Variants in LDLRAD3 observed in about 807,000 individuals in gnomAD.
The protein encoded by LDLRAD3 is low density lipoprotein receptor class A domain containing 3.
Under a neutral mutation model 29.4 loss-of-function variants are expected in LDLRAD3, and 20 were observed. The observed-to-expected ratio is 0.68, with a 90% CI of 0.48 to 0.99. The LOEUF (loss-of-function observed/expected upper bound fraction) is 0.99, where lower values mean the gene tolerates loss of function less well. Ranked by LOEUF, LDLRAD3 falls within the 50% of genes least tolerant of loss-of-function variation. The pLI, the probability that LDLRAD3 is intolerant of heterozygous loss-of-function variation, is 0.00. For missense variants in LDLRAD3, 420 were observed against 454.3 expected, an observed-to-expected ratio of 0.92 and a Z score of 0.69; for synonymous variants, 157 against 192.7, an observed-to-expected ratio of 0.81 and a Z score of 1.53.
intron 1 of LDLRAD3, among the ~76,000 whole-genome samples, chr11:36,003,478 C>G (rs551980393): frequency 4.2e-4 from 64 of 152,252 alleles, no homozygotes; most frequent in African/African-American, 1.5e-3. Flanking sequence ...TTGATAGGGT[C>G]TTACAGCAAA....
intron 1 of LDLRAD3, among the ~76,000 whole-genome samples, chr11:35,964,741 A>G (rs1419980183): frequency 6.6e-6 from 1 of 152,134 alleles, no homozygotes; most frequent in Non-Finnish European, 1.5e-5. Context: ...TAATCCTAGC[A>G]CTTGGGGAGG....
intron 2 of LDLRAD3, among the ~76,000 whole-genome samples, chr11:36,065,773 T>G (rs757444818): frequency 6.6e-6 from 1 of 152,204 alleles, no homozygotes; most frequent in Non-Finnish European, 1.5e-5. Flanking sequence ...CTTCACATTG[T>G]AGGCCTTTAT....
intron 1 of LDLRAD3, among the ~76,000 whole-genome samples, chr11:35,979,081 C>G (rs1256789296): frequency 6.6e-6 from 1 of 152,146 alleles, no homozygotes; most frequent in Admixed American, 6.5e-5. Flanking sequence ...TCTGAGGTGT[C>G]TGCCTAGAGT....
intron 4 of LDLRAD3, among the ~76,000 whole-genome samples, chr11:36,166,551 G>T (rs1854518904): frequency 6.6e-6 from 1 of 152,100 alleles, no homozygotes. Flanking sequence ...TCCACTATTG[G>T]TAAGGTGTAT....
At chr11:36,154,054 T>C (rs1854311897) in intron 4 of LDLRAD3, among the ~76,000 whole-genome samples, 1 of 152,146 alleles carries the variant, frequency 6.6e-6, no homozygotes, top group African/African-American at 2.4e-5. Context: ...GTTCCAGTTG[T>C]GTCTCAACCA....
intron 1 of LDLRAD3, among the ~76,000 whole-genome samples, chr11:36,025,484 G>T (rs1425136648): frequency 1.3e-5 from 2 of 151,586 alleles, no homozygotes; most frequent in African/African-American, 4.9e-5. Context: ...CGCCTCCAGG[G>T]TTCACGCCAT....
chr11:36,048,164 A>G (rs1389869230), intron 2 of LDLRAD3, among the ~76,000 whole-genome samples: 1 of 152,100 alleles, frequency 6.6e-6, no homozygotes, highest in Non-Finnish European at 1.5e-5. Context: ...TTCTCCATAG[A>G]TTCTCCTTTC....
chr11:36,178,952 G>T (rs895401619), intron 4 of LDLRAD3, among the ~76,000 whole-genome samples: 1 of 152,210 alleles, frequency 6.6e-6, no homozygotes, highest in Non-Finnish European at 1.5e-5. Flanking sequence ...AGCATGCCTT[G>T]TTACCCAGAG....
chr11:35,944,078 A>T lies in LDLRAD3; in HGVS notation c.-21A>T. ...CGCGGGGGCAGCAACGACGCCGGGC[A>T]GCGGGAGCGGCGGCCGCGCCATGTG... On this transcript the variant is annotated 5_prime_UTR_variant, in exon 1 of 6. Coordinates refer to ENST00000315571, the MANE Select transcript of LDLRAD3 (RefSeq NM_174902.4). The surrounding 1 kb of genome is among the most constrained non-coding windows in gnomAD (Gnocchi z 4.9). The T allele has an allele frequency of 3.7e-6, 4 of 1,075,716 alleles. No individual in the cohort carries two copies. The highest frequency in any genetic ancestry group is 2.3e-6 in the Non-Finnish European group (2 of 888,846). 66.6% of individuals were successfully genotyped at this position (1,075,716 alleles called of 1,614,324 possible). A position where few individuals can be genotyped will look rare whatever the true frequency, so the allele number is the denominator to read the frequency against.
chr11:36,059,818 T>C (rs534314340), intron 2 of LDLRAD3, among the ~76,000 whole-genome samples: 3 of 152,202 alleles, frequency 2.0e-5, no homozygotes, highest in Admixed American at 2.0e-4. Flanking sequence ...TAGAGCACCA[T>C]TGAGAGTGAG....
intron 2 of LDLRAD3, among the ~76,000 whole-genome samples, chr11:36,054,664 T>C (rs1298750271): frequency 4.6e-5 from 7 of 152,140 alleles, no homozygotes; most frequent in Non-Finnish European, 1.0e-4. Context: ...AGAATGAAGA[T>C]GGATGGATGC....
At position 36,227,273 on chromosome 11, in the gene LDLRAD3, G is replaced by A. The variant is rs1283117265; in HGVS notation, c.643G>A (p.Val215Met). ...TLPVHRLQHPVLLSRLVVLDH... is the reference protein window; with the variant it reads ...TLPVHRLQHPMLLSRLVVLDH... Reference sequence around the variant, plus strand: ...GCCCGTGCACCGGCTGCAGCACCCTGTGCTGCTGTCCCGCCTGGTGGTCCT... The same window carrying A: ...GCCCGTGCACCGGCTGCAGCACCCTATGCTGCTGTCCCGCCTGGTGGTCCT... Residue 215 changes from valine (V) to methionine (M), a missense_variant, in exon 5 of 6, where the codon GTG (valine) becomes ATG (methionine). This residue lies in a region of LDLRAD3 where 56 missense variants were observed against 92.2 expected (regional missense o/e 0.61). Coordinates refer to ENST00000315571, the MANE Select transcript of LDLRAD3 (RefSeq NM_174902.4). The A allele has an allele frequency of 1.2e-6, 2 of 1,613,918 alleles. No individual in the cohort carries two copies. Among genetic ancestry groups the A allele is most frequent in the African/African-American group, 1.3e-5 (1 of 74,932 alleles).
intron 4 of LDLRAD3, among the ~76,000 whole-genome samples, chr11:36,182,024 A>G (rs1286512740): frequency 6.6e-6 from 1 of 152,160 alleles, no homozygotes; most frequent in African/African-American, 2.4e-5. Flanking sequence ...AGCTGCTAGG[A>G]AGCATCTTAT....
intron 4 of LDLRAD3, among the ~76,000 whole-genome samples, chr11:36,211,505 G>A (rs1855283645): frequency 6.6e-6 from 1 of 152,216 alleles, no homozygotes; most frequent in Admixed American, 6.5e-5. Context: ...GGGAGACCAA[G>A]TAGAGGTTCA....
intron 4 of LDLRAD3, among the ~76,000 whole-genome samples, chr11:36,143,746 CT>C (rs984450334): frequency 1.3e-5 from 2 of 151,928 alleles, no homozygotes; most frequent in African/African-American, 4.8e-5. Flanking sequence ...CCCAGCACCC[CT>C]TTTTTTTGGC....
chr11:36,043,373 T>G (rs79448290), intron 2 of LDLRAD3, among the ~76,000 whole-genome samples: 14,884 of 152,284 alleles, frequency 0.098, 861 homozygotes, highest in East Asian at 0.19. Flanking sequence ...TCTAACAGGC[T>G]GACGTCTGCA....
chr11:36,132,409 C>T (rs936884668), intron 4 of LDLRAD3, among the ~76,000 whole-genome samples: 4 of 152,074 alleles, frequency 2.6e-5, no homozygotes, highest in Admixed American at 6.5e-5. Flanking sequence ...AATAATGCAG[C>T]GTGGCTAAAC....
At chr11:36,033,520 A>C (rs1852265549) in intron 1 of LDLRAD3, among the ~76,000 whole-genome samples, 1 of 152,228 alleles carries the variant, frequency 6.6e-6, no homozygotes, top group African/African-American at 2.4e-5. Flanking sequence ...TCACAGTTGC[A>C]GTGACGTTTC....
chr11:36,027,591 A>G (rs962835490), intron 1 of LDLRAD3, among the ~76,000 whole-genome samples: 7 of 152,166 alleles, frequency 4.6e-5, no homozygotes, highest in Non-Finnish European at 1.5e-5. Flanking sequence ...GGCCTATATG[A>G]AGATCATTTT....
Sources: allele counts gnomAD v4.1 joint callset (sites outside exome capture counted in the v4.1 genomes callset), GRCh38; gene constraint gnomAD v4.1.1; regional missense constraint gnomAD v4.1.1; non-coding constraint Gnocchi (gnomAD v3.1); transcripts MANE v1.5; gene names NCBI Gene and HGNC (gene_info 2026-07-23, HGNC 2026-07-21).